Variants in CHRM3 observed in about 807,000 individuals in gnomAD.
CHRM3 encodes muscarinic acetylcholine receptor M3.
CHRM3 carries 11 observed loss-of-function variants against 41.8 expected under a neutral mutation model. That is an observed-to-expected ratio of 0.26 (90% CI 0.17 to 0.44). CHRM3 has a LOEUF of 0.44. Ranked by LOEUF, CHRM3 falls within the 20% of genes least tolerant of loss-of-function variation. The pLI, the probability that CHRM3 is intolerant of heterozygous loss-of-function variation, is 1.00. For missense variants in CHRM3, 571 were observed against 745.4 expected, an observed-to-expected ratio of 0.77 and a Z score of 2.72; for synonymous variants, 297 against 301.4, an observed-to-expected ratio of 0.99 and a Z score of 0.15.
At chr1:239,671,946 C>G (rs1418260507) in intron 4 of CHRM3, among the ~76,000 whole-genome samples, 4 of 152,038 alleles carry the variant, frequency 2.6e-5, no homozygotes, top group Admixed American at 6.6e-5. Context: ...TTGGTGAATT[C>G]TGCAAAACAA....
intron 2 of CHRM3, among the ~76,000 whole-genome samples, chr1:239,530,050 A>G (rs1670286804): frequency 6.6e-6 from 1 of 151,968 alleles, no homozygotes; most frequent in Admixed American, 6.6e-5. Context: ...GGTGCCCGCC[A>G]CCATGCCCAG....
At chr1:239,672,313 T>A (rs7541783) in intron 4 of CHRM3, among the ~76,000 whole-genome samples, 74,174 of 151,816 alleles carry the variant, frequency 0.49, 19,138 homozygotes, top group East Asian at 0.72. Context: ...CTTCCTTTTG[T>A]CAGCAGGAGA....
chr1:239,621,611 A>G (rs972481385), intron 3 of CHRM3, among the ~76,000 whole-genome samples: 2 of 152,346 alleles, frequency 1.3e-5, no homozygotes, highest in South Asian at 2.1e-4. Flanking sequence ...TGTCCTGGCT[A>G]GAAGATCCAG....
At chr1:239,872,511 C>T (rs1480750220) in intron 6 of CHRM3, among the ~76,000 whole-genome samples, 1 of 152,142 alleles carries the variant, frequency 6.6e-6, no homozygotes, top group Admixed American at 6.5e-5. Context: ...AAATCAGCAC[C>T]ACAGAAGAGC....
intron 1 of CHRM3, among the ~76,000 whole-genome samples, chr1:239,437,741 TG>T (rs1225755920): frequency 6.6e-6 from 1 of 152,046 alleles, no homozygotes; most frequent in Admixed American, 6.6e-5. Context: ...AGAGGAAAGT[TG>T]GCAAAATAGA....
intron 3 of CHRM3, among the ~76,000 whole-genome samples, chr1:239,558,682 G>A (rs972044744): frequency 6.6e-6 from 1 of 152,156 alleles, no homozygotes; most frequent in African/African-American, 2.4e-5. Flanking sequence ...GTGTGACTGG[G>A]CTGGCCCATG....
chr1:239,651,617 G>T (rs1370435841), intron 4 of CHRM3, among the ~76,000 whole-genome samples: 1 of 152,130 alleles, frequency 6.6e-6, no homozygotes, highest in South Asian at 2.1e-4. Flanking sequence ...CCTACCTCCA[G>T]CACTTTCTGA....
At chr1:239,715,364 C>A (rs552408298) in intron 5 of CHRM3, among the ~76,000 whole-genome samples, 1 of 151,994 alleles carries the variant, frequency 6.6e-6, no homozygotes, top group African/African-American at 2.4e-5. Flanking sequence ...TTTGAGAAGG[C>A]GTGTGTGCAG....
At chr1:239,676,310 T>C (rs1657998191) in intron 4 of CHRM3, among the ~76,000 whole-genome samples, 1 of 152,172 alleles carries the variant, frequency 6.6e-6, no homozygotes, top group Admixed American at 6.5e-5. Context: ...AGTTTTTCTG[T>C]AGTTGCTGGA....
At chr1:239,603,482 C>T (rs1200637056) in intron 3 of CHRM3, among the ~76,000 whole-genome samples, 1 of 152,142 alleles carries the variant, frequency 6.6e-6, no homozygotes, top group Admixed American at 6.6e-5. Context: ...TACTTGTTCT[C>T]ACCTGGGGAT....
At chr1:239,397,003 GCCTTT>G (rs2102950992) in intron 1 of CHRM3, among the ~76,000 whole-genome samples, 1 of 152,242 alleles carries the variant, frequency 6.6e-6, no homozygotes, top group South Asian at 2.1e-4. Context: ...ACTTAAATAT[GCCTTT>G]ATTCAGCAAT....
intron 5 of CHRM3, among the ~76,000 whole-genome samples, chr1:239,812,742 G>C (rs896704167): frequency 2.0e-5 from 3 of 152,170 alleles, no homozygotes; most frequent in African/African-American, 7.2e-5. Context: ...ACCTGTGCCA[G>C]CCCTGTGCCA....
chr1:239,780,726 A>ACATCTGGACAATATGG (rs1668449991), intron 5 of CHRM3, among the ~76,000 whole-genome samples: 3 of 152,122 alleles, frequency 2.0e-5, no homozygotes, highest in African/African-American at 4.8e-5. Flanking sequence ...TACGTTCTAG[A>ACATCTGGACAATATGG]AGTTTTATAA....
chr1:239,767,948 C>A (rs1048658739), intron 5 of CHRM3, among the ~76,000 whole-genome samples: 1 of 152,116 alleles, frequency 6.6e-6, no homozygotes, highest in Non-Finnish European at 1.5e-5. Flanking sequence ...GCATTTATAA[C>A]AAGCCCCGGG....
chr1:239,662,964 C>A (rs1025497975), intron 4 of CHRM3, among the ~76,000 whole-genome samples: 1 of 82,234 alleles, frequency 1.2e-5, no homozygotes, highest in African/African-American at 4.0e-5. Flanking sequence ...TTCTCCTCTT[C>A]CTTCTCCTCT....
intron 6 of CHRM3, among the ~76,000 whole-genome samples, chr1:239,847,945 AGGAGGGGAGG>A (rs60288158): frequency 7.1e-6 from 1 of 140,860 alleles, no homozygotes; most frequent in Non-Finnish European, 1.5e-5. Flanking sequence ...AAGAGAAGAG[AGGAGGGGAGG>A]GGAGGGGAGG....
intron 3 of CHRM3, among the ~76,000 whole-genome samples, chr1:239,569,540 G>T (rs1661649053): frequency 2.0e-5 from 3 of 152,154 alleles, no homozygotes; most frequent in Admixed American, 2.0e-4. Flanking sequence ...CAGTCAATTT[G>T]CAGAATTCCT....
intron 3 of CHRM3, among the ~76,000 whole-genome samples, chr1:239,596,594 G>GAA (rs1238687851): frequency 2.6e-5 from 4 of 152,082 alleles, no homozygotes; most frequent in African/African-American, 9.7e-5. Context: ...GTATATACCT[G>GAA]ATGAATTTTA....
At chr1:239,552,082 C>T (rs755751700) in intron 3 of CHRM3, among the ~76,000 whole-genome samples, 6 of 150,734 alleles carry the variant, frequency 4.0e-5, no homozygotes, top group Non-Finnish European at 8.9e-5. Flanking sequence ...GGTAATACAG[C>T]AATAATAATT....
Sources: allele counts gnomAD v4.1 joint callset (sites outside exome capture counted in the v4.1 genomes callset), GRCh38; gene constraint gnomAD v4.1.1; transcripts MANE v1.5; gene names NCBI Gene and HGNC (gene_info 2026-07-23, HGNC 2026-07-21).